Variants in SIX1 observed in about 807,000 individuals in gnomAD.
The protein encoded by SIX1 is homeobox protein SIX1.
A neutral mutation model predicts 26.5 loss-of-function variants in SIX1; 11 were observed. That is an observed-to-expected ratio of 0.41 (90% CI 0.26 to 0.69). The LOEUF (loss-of-function observed/expected upper bound fraction) is 0.69, where lower values mean the gene tolerates loss of function less well. Ranked by LOEUF, SIX1 falls within the 30% of genes least tolerant of loss-of-function variation. SIX1 has a pLI of 0.28. For synonymous variants in SIX1, 177 were observed against 166.2 expected, an observed-to-expected ratio of 1.06 and a Z score of -0.50; for missense variants, 333 against 365.9, an observed-to-expected ratio of 0.91 and a Z score of 0.73.
rs905452354 is a variant in SIX1 at position 60,647,452 on chromosome 14, T to C, written c.561-875A>G. On this transcript the variant is annotated intron_variant, in intron 1 of 1. Coordinates refer to ENST00000645694, the MANE Select transcript of SIX1 (RefSeq NM_005982.4). This position sits in a 1 kb window ranked among gnomAD's most constrained non-coding sequence, Gnocchi z 5.1. ...CGTCAGTCCGGGCACTCGGTACCGGTTAACTTCAGGATTTCGCTTCCCTCG... is the reference window on the plus strand; with the variant it reads ...CGTCAGTCCGGGCACTCGGTACCGGCTAACTTCAGGATTTCGCTTCCCTCG... Among the ~76,000 whole-genome samples, 2 of 152,032 alleles carry C rather than the reference T, an allele frequency of 1.3e-5. No homozygotes were observed. The highest frequency in any genetic ancestry group is 4.8e-5 in the African/African-American group (2 of 41,388).
chr14:60,646,493 G>A lies in SIX1; in HGVS notation c.645C>T (p.Ser215=), dbSNP rs1894943290. The change falls in exon 2 of 2, where the codon AGC becomes AGT. Residue 215 remains serine (S), a synonymous_variant. Coordinates refer to ENST00000645694, the MANE Select transcript of SIX1 (RefSeq NM_005982.4). The part of the protein sequence containing the change: ...PLEGGKPLMS[S]SEEEFSPPQS... The stretch of plus-strand genomic sequence containing the variant: ...GGGGAGGTGAGAATTCCTCTTCTGA[G>A]CTGGACATGAGCGGCTTGCCCCCTT... The A allele has an allele frequency of 6.2e-7, 1 of 1,613,694 alleles. No homozygotes were observed. The highest frequency in any genetic ancestry group is 1.3e-5 in the African/African-American group (1 of 74,786).
rs548655754 is a variant in SIX1, at chr14:60,646,104, G to C, written c.*179C>G. 2 of 582,554 alleles carry C rather than the reference G, an allele frequency of 3.4e-6. No individual in the cohort carries two copies. The highest frequency in any genetic ancestry group is 4.6e-5 in the South Asian group (2 of 43,166). The allele number at this position is 582,554 out of a possible 1,614,324, so 36.1% of individuals were successfully genotyped here. A position where few individuals can be genotyped will look rare whatever the true frequency, so the allele number is the denominator to read the frequency against. ...TTGGAGAGAAGAGGAGATTAAGCTT[G>C]AGATCGCTGTTGGTTTTGATTTTTA... On this transcript the variant is annotated 3_prime_UTR_variant, in exon 2 of 2. Transcript: ENST00000645694.
At position 60,648,993 on chromosome 14, in the gene SIX1, A is replaced by C; in HGVS notation, c.197T>G (p.Leu66Arg). ...CTGGTGGCTCTCCAGGATCTTGTAG[A>C]GCTCACGGAAGTTGCCGCGGTGGAA... The part of the protein sequence containing the change: ...VAFHRGNFRE[L>R]YKILESHQFS... The change falls in exon 1 of 2, where the codon CTC (leucine) becomes CGC (arginine). Residue 66 changes from leucine (L) to arginine (R), a missense_variant. Leu to Arg is a moderately radical substitution (Grantham distance 102). Coordinates refer to ENST00000645694, the MANE Select transcript of SIX1 (RefSeq NM_005982.4). This position sits in a 1 kb window ranked among gnomAD's most constrained non-coding sequence, Gnocchi z 7.9. 1 of 1,614,040 alleles carries C rather than the reference A, an allele frequency of 6.2e-7. No homozygotes were observed. Among genetic ancestry groups the C allele is most frequent in the Non-Finnish European group, 8.5e-7 (1 of 1,180,002 alleles).
At position 60,645,964 on chromosome 14, in the gene SIX1, G is replaced by A. The variant is rs879084294; in HGVS notation, c.*319C>T. ...AAAAAGAAAGGCTGCTGAAACAGGC[G>A]TATCAGTTGCCCAGAACTCAGACTG... On this transcript the variant is annotated 3_prime_UTR_variant, in exon 2 of 2. Coordinates refer to ENST00000645694, the MANE Select transcript of SIX1 (RefSeq NM_005982.4). This position sits in a 1 kb window ranked among gnomAD's most constrained non-coding sequence, Gnocchi z 4.6. 1.1e-5 allele frequency: 2 copies of A among 183,674 alleles called. No individual in the cohort carries two copies. 11.4% of individuals were successfully genotyped at this position (183,674 alleles called of 1,614,324 possible).
In SIX1 at chr14:60,648,410, C is replaced by T. The variant is rs1894990571; in HGVS notation, c.560+220G>A. Among the ~76,000 whole-genome samples, 1 of 152,244 alleles carries T rather than the reference C, an allele frequency of 6.6e-6. No homozygotes were observed. Among genetic ancestry groups the T allele is most frequent in the African/African-American group, 2.4e-5 (1 of 41,470 alleles). On this transcript the variant is annotated intron_variant, in intron 1 of 1. Transcript: ENST00000645694. The surrounding 1 kb of genome is among the most constrained non-coding windows in gnomAD (Gnocchi z 7.9). ...GACACTCACATCCCAGAGAAACCCA[C>T]GCGCGGGTGCTCAAAGCAAATGAGG... is the stretch of plus-strand genomic sequence containing the variant.
At position 60,646,344 on chromosome 14, in the gene SIX1, T is replaced by C. The variant is rs1475558927; in HGVS notation, c.794A>G (p.His265Arg). 6.2e-7 allele frequency: 1 copy of C among 1,613,876 alleles called. No individual in the cohort carries two copies. The highest frequency in any genetic ancestry group is 1.3e-5 in the African/African-American group (1 of 74,886). Residue 265 changes from histidine to arginine, a missense_variant, in exon 2 of 2, where the codon CAT becomes CGT. Coordinates refer to ENST00000645694, the MANE Select transcript of SIX1 (RefSeq NM_005982.4). ...GCCGAGCAGAGAGTCTTGGAGCTGA[T>C]GCTGGTGGGTCTGCAGGCCGTGACT... Reference protein sequence around the residue: ...QPSHGLQTHQHQLQDSLLGPL... With the variant: ...QPSHGLQTHQRQLQDSLLGPL...
chr14:60,646,242 G>A lies in SIX1; in HGVS notation c.*41C>T, dbSNP rs1894937701. On this transcript the variant is annotated 3_prime_UTR_variant, in exon 2 of 2. Transcript: ENST00000645694. Reference sequence around the variant, plus strand: ...AGTGTCCCTAGTCGCTGCAGTGGTTGCTGCTCCAGGAATCCCTTCGAGGCC... The same window carrying A: ...AGTGTCCCTAGTCGCTGCAGTGGTTACTGCTCCAGGAATCCCTTCGAGGCC... 2.5e-6 allele frequency: 4 copies of A among 1,595,784 alleles called. No homozygotes were observed. Among genetic ancestry groups the A allele is most frequent in the Non-Finnish European group, 3.4e-6 (4 of 1,167,676 alleles).
Position 60,644,046 on chromosome 14 carries a change from T to G in SIX1, c.*2237A>C, listed in dbSNP as rs1255866516. ...ATTATCCCAGGCGGAGCTGGGAGAG[T>G]GGAGGGTAGTCACCGGAGTAGGAAG... On this transcript the variant is annotated 3_prime_UTR_variant, in exon 2 of 2. Coordinates refer to ENST00000645694, the MANE Select transcript of SIX1 (RefSeq NM_005982.4). The G allele has an allele frequency of 2.0e-5, 3 of 150,934 alleles. No homozygotes were observed. Among genetic ancestry groups the G allele is most frequent in the African/African-American group, 7.3e-5 (3 of 40,960 alleles). 9.3% of individuals were successfully genotyped at this position (150,934 alleles called of 1,614,324 possible). A position where few individuals can be genotyped will look rare whatever the true frequency, so the allele number is the denominator to read the frequency against.
rs1894916653 is a variant in SIX1 at position 60,645,115 on chromosome 14, A to C, written c.*1168T>G. ...AATTCACTCTTTCTGTCATATAATT[A>C]ATCTAGTTACTACTCTTGGTTCAGA... On this transcript the variant is annotated 3_prime_UTR_variant, in exon 2 of 2. Coordinates refer to ENST00000645694, the MANE Select transcript of SIX1 (RefSeq NM_005982.4). This position sits in a 1 kb window ranked among gnomAD's most constrained non-coding sequence, Gnocchi z 4.6. 1 of 152,154 alleles carries C rather than the reference A, an allele frequency of 6.6e-6. No homozygotes were observed. Among genetic ancestry groups the C allele is most frequent in the Non-Finnish European group, 1.5e-5 (1 of 68,028 alleles). The allele number at this position is 152,154 out of a possible 1,614,324, so 9.4% of individuals were successfully genotyped here. A position where few individuals can be genotyped will look rare whatever the true frequency, so the allele number is the denominator to read the frequency against.
In SIX1 at chr14:60,649,273, G is replaced by T. The variant is rs886050572; in HGVS notation, c.-84C>A. ...GGCAGGGGGCGGCGGCCGCAGGGAGGGGGGCGCGGCTGTTCCTAACCTCCT... is the reference window on the plus strand; with the variant it reads ...GGCAGGGGGCGGCGGCCGCAGGGAGTGGGGCGCGGCTGTTCCTAACCTCCT... On this transcript the variant is annotated 5_prime_UTR_variant, in exon 1 of 2. Transcript: ENST00000645694. This position sits in a 1 kb window ranked among gnomAD's most constrained non-coding sequence, Gnocchi z 5.1. The T allele has an allele frequency of 1.0e-4, 136 of 1,298,792 alleles. No individual in the cohort carries two copies. The highest frequency in any genetic ancestry group is 1.2e-4 in the Non-Finnish European group (115 of 935,820). 80.5% of individuals were successfully genotyped at this position (1,298,792 alleles called of 1,614,324 possible).
Position 60,646,295 on chromosome 14 carries a change from G to C in SIX1, c.843C>G (p.Asp281Glu). The C allele has an allele frequency of 1.2e-6, 2 of 1,612,626 alleles. No homozygotes were observed. The highest frequency in any genetic ancestry group is 1.7e-6 in the Non-Finnish European group (2 of 1,179,310). Residue 281 changes from aspartate (D) to glutamate (E), a missense_variant, in exon 2 of 2, where the codon GAC becomes GAG. Coordinates refer to ENST00000645694, the MANE Select transcript of SIX1 (RefSeq NM_005982.4). ...LLGPLTSSLVDLGS is the reference protein window; with the variant it reads ...LLGPLTSSLVELGS ...AGTCCCTCCCCACTTAGGACCCCAA[G>C]TCCACCAGACTGGAGGTGAGGGGGC...
chr14:60,646,888 T>C (rs755508816), intron 1 of SIX1, among the ~76,000 whole-genome samples: 3 of 152,210 alleles, frequency 2.0e-5, no homozygotes, highest in African/African-American at 4.8e-5. Context: ...ACATACAAAA[T>C]ATATGTTTTA....
In SIX1 at chr14:60,646,321, C is replaced by T. The variant is rs764896733; in HGVS notation, c.817G>A (p.Gly273Ser). 1.3e-5 allele frequency: 21 copies of T among 1,613,344 alleles called. No individual in the cohort carries two copies. The highest frequency in any genetic ancestry group is 8.9e-5 in the East Asian group (4 of 44,860). ...HQHQLQDSLL[G>S]PLTSSLVDLG... ...TCCACCAGACTGGAGGTGAGGGGGC[C>T]GAGCAGAGAGTCTTGGAGCTGATGC... The change falls in exon 2 of 2, where the codon GGC becomes AGC. Residue 273 changes from glycine to serine, a missense_variant. Around this residue, in one of 3 missense-constraint regions of SIX1, gnomAD observed 199 missense variants for 215.2 expected, o/e 0.92. Coordinates refer to ENST00000645694, the MANE Select transcript of SIX1 (RefSeq NM_005982.4).
In SIX1 at chr14:60,643,436, A is replaced by ATTTTTTTTTTTTTTTTTTTTTTT. The variant is rs1163234754; in HGVS notation, c.*2846_*2847insAAAAAAAAAAAAAAAAAAAAAAA. 1.6e-5 allele frequency: 1 copy of ATTTTTTTTTTTTTTTTTTTTTTT among 63,036 alleles called. No homozygotes were observed. The allele number at this position is 63,036 out of a possible 1,614,324, so 3.9% of individuals were successfully genotyped here. On this transcript the variant is annotated 3_prime_UTR_variant, in exon 2 of 2. Coordinates refer to ENST00000645694, the MANE Select transcript of SIX1 (RefSeq NM_005982.4). ...CACTCGAGTGTTTTTTTTTTTTTTC[A>ATTTTTTTTTTTTTTTTTTTTTTT]TTTCACTTGGCACAATGCTGTATGG...
Position 60,646,327 on chromosome 14 carries a change from G to A in SIX1, c.811C>T (p.Leu271=), listed in dbSNP as rs199522850. 2.1e-5 allele frequency: 34 copies of A among 1,613,566 alleles called. No individual in the cohort carries two copies. The African/African-American group carries it at 4.1e-4, about 20-fold the overall frequency. The change falls in exon 2 of 2, where the codon CTG becomes TTG. Residue 271 remains leucine, a synonymous_variant. Coordinates refer to ENST00000645694, the MANE Select transcript of SIX1 (RefSeq NM_005982.4). The part of the protein sequence containing the change: ...QTHQHQLQDS[L]LGPLTSSLVD... The stretch of plus-strand genomic sequence containing the variant: ...AGACTGGAGGTGAGGGGGCCGAGCA[G>A]AGAGTCTTGGAGCTGATGCTGGTGG...
rs1412013227 is a variant in SIX1, at chr14:60,646,467, T to C, written c.671A>G (p.Gln224Arg). 4 of 1,614,062 alleles carry C rather than the reference T, an allele frequency of 2.5e-6. No homozygotes were observed. In the East Asian group the frequency reaches 8.9e-5, roughly 36 times the overall value. The change falls in exon 2 of 2, where the codon CAA becomes CGA. Residue 224 changes from glutamine to arginine, a missense_variant. This residue lies in a region of SIX1 where 199 missense variants were observed against 215.2 expected (regional missense o/e 0.92). Coordinates refer to ENST00000645694, the MANE Select transcript of SIX1 (RefSeq NM_005982.4). ...SSSEEEFSPPQSPDQNSVLLL... is the reference protein window; with the variant it reads ...SSSEEEFSPPRSPDQNSVLLL... ...AAGGACCGAGTTCTGGTCTGGACTT[T>C]GGGGAGGTGAGAATTCCTCTTCTGA...
In SIX1 at chr14:60,644,101, GC is replaced by G. The variant is rs1894901638; in HGVS notation, c.*2181del. ...GGCATGTAAGAAATTAAAGTAATTG[GC>G]CCTTCCTATTTTCCAGAGAGATTTC... On this transcript the variant is annotated 3_prime_UTR_variant, in exon 2 of 2. Coordinates refer to ENST00000645694, the MANE Select transcript of SIX1 (RefSeq NM_005982.4). The G allele has an allele frequency of 6.6e-6, 1 of 152,184 alleles. No individual in the cohort carries two copies. Among genetic ancestry groups the G allele is most frequent in the South Asian group, 2.1e-4 (1 of 4,828 alleles). 9.4% of individuals were successfully genotyped at this position (152,184 alleles called of 1,614,324 possible). A position where few individuals can be genotyped will look rare whatever the true frequency, so the allele number is the denominator to read the frequency against.
rs1894957882 is a variant in SIX1 at position 60,647,097 on chromosome 14, C to G, written c.561-520G>C. 6.6e-6 allele frequency among the ~76,000 whole-genome samples: 1 copy of G among 152,116 alleles called. No homozygotes were observed. The highest frequency in any genetic ancestry group is 2.1e-4 in the South Asian group (1 of 4,822). On this transcript the variant is annotated intron_variant, in intron 1 of 1. Transcript: ENST00000645694. This position sits in a 1 kb window ranked among gnomAD's most constrained non-coding sequence, Gnocchi z 5.1. ...CAATTAAACATCCCGTTTTCCTGCC[C>G]CAGCCCAGAGTTGGTGGTTTTGCAG...
Position 60,648,730 on chromosome 14 carries a change from T to G in SIX1, c.460A>C (p.Lys154Gln). 1 of 1,613,536 alleles carries G rather than the reference T, an allele frequency of 6.2e-7. No individual in the cohort carries two copies. The highest frequency in any genetic ancestry group is 8.5e-7 in the Non-Finnish European group (1 of 1,179,532). Residue 154 changes from lysine (K) to glutamine (Q), a missense_variant, in exon 1 of 2, where the codon AAG becomes CAG. Lys to Gln is a moderately conservative substitution (Grantham distance 53, BLOSUM62 1). Coordinates refer to ENST00000645694, the MANE Select transcript of SIX1 (RefSeq NM_005982.4). This position sits in a 1 kb window ranked among gnomAD's most constrained non-coding sequence, Gnocchi z 7.9. ...AHNPYPSPRE[K>Q]RELAEATGLT... ...CCGGTGGCCTCGGCCAGCTCCCGCT[T>G]CTCACGCGGCGATGGGTAGGGATTG...
Sources: gnomAD v4.1 joint callset for allele counts (sites outside exome capture counted in the v4.1 genomes callset) on GRCh38, gnomAD v4.1.1 for gene constraint, gnomAD v4.1.1 regional missense constraint, Gnocchi (gnomAD v3.1) non-coding constraint, MANE v1.5 for transcripts, NCBI Gene and HGNC (gene_info 2026-07-23, HGNC 2026-07-21) for gene names.